The following CHD6 variants were observed in gnomAD, a reference collection of about 807,000 sequenced individuals.
CHD6 encodes ATP-dependent chromatin remodeler CHD6.
Under a neutral mutation model 276.9 loss-of-function variants are expected in CHD6, and 50 were observed. The observed-to-expected ratio is 0.18, with a 90% CI of 0.14 to 0.23. The LOEUF is 0.23. Ranked by LOEUF, CHD6 falls within the 10% of genes least tolerant of loss-of-function variation. CHD6 has a pLI of 1.00. For synonymous variants in CHD6, 1,173 were observed against 1,229.3 expected, an observed-to-expected ratio of 0.95 and a Z score of 0.96; for missense variants, 2,564 against 3,365.8, an observed-to-expected ratio of 0.76 and a Z score of 5.89.
chr20:41,603,710 CA>C (rs2045797000), intron 1 of CHD6, among the ~76,000 whole-genome samples: 1 of 151,926 alleles, frequency 6.6e-6, no homozygotes, highest in South Asian at 2.1e-4. Context: ...TACTAAAATA[CA>C]AAAAAATTAG....
intron 1 of CHD6, among the ~76,000 whole-genome samples, chr20:41,604,310 A>G (rs1415192581): frequency 6.6e-6 from 1 of 152,202 alleles, no homozygotes; most frequent in Non-Finnish European, 1.5e-5. Context: ...AAAGAATAGC[A>G]TGCCCAGGAA....
intron 7 of CHD6, 62 bp from the exon 8 acceptor site, chr20:41,497,563 GT>G: frequency 5.3e-6 from 6 of 1,141,892 alleles, no homozygotes; most frequent in Non-Finnish European, 8.0e-6. Context: ...GAGCTTTAAG[GT>G]GTTCAATAAA....
chr20:41,542,504 A>G (rs943767041), intron 2 of CHD6, among the ~76,000 whole-genome samples: 1 of 151,878 alleles, frequency 6.6e-6, no homozygotes, highest in African/African-American at 2.4e-5. Flanking sequence ...CATCCTGGCT[A>G]ACATGGTAAA....
rs555150352 is a variant in CHD6 at position 41,464,955 on chromosome 20, T to A, written c.2665-7527A>T. Among the ~76,000 whole-genome samples, 105 of 152,076 alleles carry A rather than the reference T, an allele frequency of 6.9e-4. 1 individual carries two copies. Among genetic ancestry groups the A allele is most frequent in the South Asian group, 4.4e-3 (21 of 4,814 alleles). On this transcript the variant is annotated intron_variant, in intron 17 of 36. Coordinates refer to ENST00000373233, the MANE Select transcript of CHD6 (RefSeq NM_032221.5). ...CTGGACAACCTGAAAACAAAATAAA[T>A]AGAGTAATGGATTATAAAATAAAAC...
At chr20:41,593,993 A>T (rs1041668125) in intron 1 of CHD6, among the ~76,000 whole-genome samples, 1 of 134,464 alleles carries the variant, frequency 7.4e-6, no homozygotes, top group Non-Finnish European at 1.7e-5. Context: ...AATTTTGCTT[A>T]AAAAAAAAAA....
chr20:41,618,278 C>T (rs1171595259), intron 1 of CHD6, 62 bp downstream of exon 1: 1 of 151,718 alleles, frequency 6.6e-6, no homozygotes, highest in African/African-American at 2.4e-5. Context: ...GCCGGGGACC[C>T]GCGGACAAGG....
intron 5 of CHD6, among the ~76,000 whole-genome samples, chr20:41,510,413 T>C (rs1013829584): frequency 1.3e-5 from 2 of 152,226 alleles, no homozygotes; most frequent in African/African-American, 4.8e-5. Flanking sequence ...ACTGGTTGTG[T>C]AGCCTGCCCT....
rs542476586 is a variant in CHD6 at position 41,443,483 on chromosome 20, G to A, written c.3877+2182C>T. Reference sequence around the variant, plus strand: ...ATTAATTATATCTTCCTGGTGAGTTGTATCTATCATCATTGTGTAATGACC... The same window carrying A: ...ATTAATTATATCTTCCTGGTGAGTTATATCTATCATCATTGTGTAATGACC... On this transcript the variant is annotated intron_variant, in intron 25 of 36. Coordinates refer to ENST00000373233, the MANE Select transcript of CHD6 (RefSeq NM_032221.5). 7.9e-5 allele frequency among the ~76,000 whole-genome samples: 12 copies of A among 152,320 alleles called. No homozygotes were observed. In the South Asian group the frequency reaches 2.5e-3, roughly 32 times the overall value.
chr20:41,468,731 T>C, intron 17 of CHD6, among the ~76,000 whole-genome samples: 1 of 152,004 alleles, frequency 6.6e-6, no homozygotes, highest in East Asian at 1.9e-4. Context: ...ACAGGGGATG[T>C]AGGTGGGGCG....
chr20:41,410,467 G>A (rs1023540264), intron 36 of CHD6, among the ~76,000 whole-genome samples: 2 of 152,074 alleles, frequency 1.3e-5, no homozygotes, highest in Non-Finnish European at 2.9e-5. Context: ...TATGGTAGTC[G>A]GAATGGACTA....
In CHD6 at chr20:41,455,985, C is replaced by T; in HGVS notation, c.2830-6G>A. 6.5e-7 allele frequency: 1 copy of T among 1,529,402 alleles called. No homozygotes were observed. The highest frequency in any genetic ancestry group is 8.8e-7 in the Non-Finnish European group (1 of 1,139,162). The allele number at this position is 1,529,402 out of a possible 1,614,324, so 94.7% of individuals were successfully genotyped here. On this transcript the variant is annotated splice_region_variant and splice_polypyrimidine_tract_variant and intron_variant, in intron 18 of 36. Transcript: ENST00000373233. The stretch of plus-strand genomic sequence containing the variant: ...ATTTTTGAGAGCTGCTGTACCTGGA[C>T]AGGTCACCAAAGGCTACTCACAAAG...
At position 41,420,567 on chromosome 20, in the gene CHD6, T is replaced by G; in HGVS notation, c.6068A>C (p.Glu2023Ala). 6.2e-7 allele frequency: 1 copy of G among 1,614,122 alleles called. No homozygotes were observed. The highest frequency in any genetic ancestry group is 8.5e-7 in the Non-Finnish European group (1 of 1,180,022). ...ATCTTTATTCTCAAAATCCATGTCT[T>G]CTGATTTGAGCTCACTTCCTTCAAG... ...YPLEGSELKS[E>A]DMDFENKDDY... The change falls in exon 31 of 37, where the codon GAA becomes GCA. Residue 2023 changes from glutamate to alanine, a missense_variant. Around this residue, in one of 7 missense-constraint regions of CHD6, gnomAD observed 1,024 missense variants for 1,047.9 expected, o/e 0.98. Coordinates refer to ENST00000373233, the MANE Select transcript of CHD6 (RefSeq NM_032221.5).
At chr20:41,451,770 A>G in intron 22 of CHD6, 56 bp downstream of exon 22, 1 of 1,443,822 alleles carries the variant, frequency 6.9e-7, no homozygotes. Flanking sequence ...GCAGAGGAAG[A>G]GGGGATGAAG....
At chr20:41,458,552 T>C (rs1342295065) in intron 17 of CHD6, among the ~76,000 whole-genome samples, 4 of 152,134 alleles carry the variant, frequency 2.6e-5, no homozygotes, top group Admixed American at 2.6e-4. Context: ...CAGTATGAAC[T>C]CATGGTTAGG....
chr20:41,469,981 C>T (rs993691577), intron 17 of CHD6, among the ~76,000 whole-genome samples: 1 of 152,316 alleles, frequency 6.6e-6, no homozygotes. Context: ...AAGAGGAACA[C>T]AATGATGTCA....
At chr20:41,567,516 T>G (rs2045369020) in intron 1 of CHD6, among the ~76,000 whole-genome samples, 1 of 152,064 alleles carries the variant, frequency 6.6e-6, no homozygotes, top group Non-Finnish European at 1.5e-5. Flanking sequence ...CCTGTGCTGC[T>G]GCTTCCCTTG....
chr20:41,517,636 TC>T, intron 3 of CHD6, among the ~76,000 whole-genome samples: 1 of 152,196 alleles, frequency 6.6e-6, no homozygotes, highest in African/African-American at 2.4e-5. Context: ...TTCACATGAG[TC>T]TTTATCTCAT....
chr20:41,453,651 G>A (rs916537904), intron 20 of CHD6, among the ~76,000 whole-genome samples: 1 of 152,080 alleles, frequency 6.6e-6, no homozygotes, highest in Non-Finnish European at 1.5e-5. Flanking sequence ...TTCCCAACAC[G>A]GAAGGCTCCA....
In CHD6 at chr20:41,403,851, A is replaced by G; in HGVS notation, c.*742T>C. On this transcript the variant is annotated 3_prime_UTR_variant, in exon 37 of 37. Transcript: ENST00000373233. ...CCTTGCCCCACCCCCGTCGACAGCAATAACTCATGGTGGGTAAAGCTTTCT... is the reference window on the plus strand; with the variant it reads ...CCTTGCCCCACCCCCGTCGACAGCAGTAACTCATGGTGGGTAAAGCTTTCT... 5 of 1,057,296 alleles carry G rather than the reference A, an allele frequency of 4.7e-6. No individual in the cohort carries two copies. The highest frequency in any genetic ancestry group is 9.1e-5 in the South Asian group (2 of 21,928). The allele number at this position is 1,057,296 out of a possible 1,614,324, so 65.5% of individuals were successfully genotyped here.
Sources: gnomAD v4.1 joint callset for allele counts (sites outside exome capture counted in the v4.1 genomes callset) on GRCh38, gnomAD v4.1.1 for gene constraint, gnomAD v4.1.1 regional missense constraint, MANE v1.5 for transcripts, NCBI Gene and HGNC (gene_info 2026-07-23, HGNC 2026-07-21) for gene names.